PCDHGA5: variants seen among roughly 807,000 people sequenced by gnomAD.
PCDHGA5 encodes the protein protocadherin gamma subfamily A, 5, also known as protocadherin gamma-A5.
Under a neutral mutation model 56.7 loss-of-function variants are expected in PCDHGA5, and 36 were observed. The ratio of observed to expected loss-of-function variants is 0.64; its 90% CI spans 0.49 to 0.84. The LOEUF (loss-of-function observed/expected upper bound fraction) is 0.84. PCDHGA5 is among the 40% of genes least tolerant of loss of function. The pLI, the probability that PCDHGA5 is intolerant of heterozygous loss-of-function variation, is 0.00. For missense variants in PCDHGA5, 1,305 were observed against 1,201.5 expected, an observed-to-expected ratio of 1.09 and a Z score of -1.27; for synonymous variants, 563 against 520.2, an observed-to-expected ratio of 1.08 and a Z score of -1.12.
intron 1 of PCDHGA5, chr5:141,399,983 C>T (rs767278001): frequency 7.4e-6 from 12 of 1,612,374 alleles, no homozygotes; most frequent in Non-Finnish European, 1.0e-5. Context: ...GGGCTGCGCA[C>T]AGGAGAGGTG....
At chr5:141,475,046 T>C (rs1430484084) in intron 1 of PCDHGA5, among the ~76,000 whole-genome samples, 1 of 152,274 alleles carries the variant, frequency 6.6e-6, no homozygotes, top group African/African-American at 2.4e-5. Context: ...CTTTGTATTT[T>C]CTAAAGATTT....
In PCDHGA5 at chr5:141,432,088, A is replaced by T. The variant is rs144317211; in HGVS notation, c.2422-62719A>T. The T allele has an allele frequency of 2.9e-5, 47 of 1,614,148 alleles. No individual in the cohort carries two copies. In the African/African-American group the frequency reaches 5.7e-4, roughly 20 times the overall value. On this transcript the variant is annotated intron_variant, in intron 1 of 3. Transcript: ENST00000518069. This position sits in a 1 kb window ranked among gnomAD's most constrained non-coding sequence, Gnocchi z 6.0. Reference sequence around the variant, plus strand: ...AAACTCATATCTCGCTGAACGTGGCAGACACCAACGACAACCCGCCGGTCT... The same window carrying T: ...AAACTCATATCTCGCTGAACGTGGCTGACACCAACGACAACCCGCCGGTCT...
chr5:141,409,055 G>T (rs141881204), intron 1 of PCDHGA5: 10 of 1,614,038 alleles, frequency 6.2e-6, no homozygotes, highest in Non-Finnish European at 8.5e-6. Flanking sequence ...CCGAAGCACT[G>T]CCCAGAGCAC....
intron 1 of PCDHGA5, chr5:141,396,614 C>G (rs904107360): frequency 1.3e-5 from 2 of 149,602 alleles, no homozygotes; most frequent in African/African-American, 4.9e-5. Flanking sequence ...GGTGAGACTC[C>G]GTCTCAAAAA....
intron 1 of PCDHGA5, chr5:141,389,259 G>C (rs374136353): frequency 6.2e-7 from 1 of 1,613,888 alleles, no homozygotes; most frequent in Non-Finnish European, 8.5e-7. Flanking sequence ...TATAGTCCAC[G>C]TGGCCGAGAA....
At chr5:141,502,666 T>C (rs962424461) in intron 2 of PCDHGA5, among the ~76,000 whole-genome samples, 10 of 152,234 alleles carry the variant, frequency 6.6e-5, no homozygotes, top group African/African-American at 2.2e-4. Context: ...CTTCATGCAA[T>C]TTTAGTATTC....
intron 1 of PCDHGA5, chr5:141,385,365 G>C: frequency 6.5e-7 from 1 of 1,539,374 alleles, no homozygotes; most frequent in Non-Finnish European, 8.7e-7. Flanking sequence ...GAATTTATTT[G>C]CATGATATTT....
Position 141,431,529 on chromosome 5 carries a change from T to C in PCDHGA5, c.2422-63278T>C, listed in dbSNP as rs145601545. 166 of 1,614,074 alleles carry C rather than the reference T, an allele frequency of 1.0e-4. No individual in the cohort carries two copies. In the African/African-American group the frequency reaches 2.0e-3, roughly 19 times the overall value. On this transcript the variant is annotated intron_variant, in intron 1 of 3. Coordinates refer to ENST00000518069, the MANE Select transcript of PCDHGA5 (RefSeq NM_018918.3). The surrounding 1 kb of genome is among the most constrained non-coding windows in gnomAD (Gnocchi z 4.8). The stretch of plus-strand genomic sequence containing the variant: ...GCGAGCGTTCCGGAGAATCTGGCCT[T>C]GGGCACGCAGCTGCTTGTAGTCAAC...
At chr5:141,393,275 C>T (rs769641711) in intron 1 of PCDHGA5, 4 of 1,613,828 alleles carry the variant, frequency 2.5e-6, no homozygotes, top group East Asian at 4.5e-5. Context: ...GTTATCCACT[C>T]CCAGAAGCTG....
At chr5:141,429,489 A>G (rs2097218567) in intron 1 of PCDHGA5, among the ~76,000 whole-genome samples, 1 of 152,062 alleles carries the variant, frequency 6.6e-6, no homozygotes, top group South Asian at 2.1e-4. Context: ...AGCTGAGACT[A>G]CAGTTGCCTG....
rs758172625 is a variant in PCDHGA5 at position 141,365,486 on chromosome 5, A to G, written c.1156A>G (p.Ile386Val). The G allele has an allele frequency of 3.7e-6, 6 of 1,613,992 alleles. No individual in the cohort carries two copies. The East Asian group carries it at 8.9e-5, about 24-fold the overall frequency. The change falls in exon 1 of 4, where the codon ATT (isoleucine) becomes GTT (valine). Residue 386 changes from isoleucine to valine, a missense_variant. Physicochemically the swap from Ile to Val is conservative, Grantham distance 29 (BLOSUM62 3). Coordinates refer to ENST00000518069, the MANE Select transcript of PCDHGA5 (RefSeq NM_018918.3). ...SGENGEIACS[I>V]PRNLPFKLEK... ...AGAAAATGGTGAGATTGCATGCTCT[A>G]TTCCTAGGAATTTGCCTTTTAAATT...
intron 1 of PCDHGA5, among the ~76,000 whole-genome samples, chr5:141,462,086 A>G (rs993185274): frequency 6.6e-6 from 1 of 151,408 alleles, no homozygotes; most frequent in Non-Finnish European, 1.5e-5. Flanking sequence ...GCCTCCCAAA[A>G]TGCTGGGATT....
At chr5:141,389,582 T>C (rs1266016569) in intron 1 of PCDHGA5, 2 of 1,613,146 alleles carry the variant, frequency 1.2e-6, no homozygotes, top group Non-Finnish European at 1.7e-6. Context: ...CCGCGCTGGG[T>C]CCCGACGGCT....
Position 141,374,841 on chromosome 5 carries a change from A to T in PCDHGA5, c.2421+8090A>T, listed in dbSNP as rs1770885287. 8 of 1,613,862 alleles carry T rather than the reference A, an allele frequency of 5.0e-6. No individual in the cohort carries two copies. The East Asian group carries it at 1.8e-4, about 36-fold the overall frequency. ...CCTGTCTACCGTGTAAGTGTTCCTGAAAACCTGCCAGTAGGCACACCAGTG... is the reference window on the plus strand; with the variant it reads ...CCTGTCTACCGTGTAAGTGTTCCTGTAAACCTGCCAGTAGGCACACCAGTG... On this transcript the variant is annotated intron_variant, in intron 1 of 3. Coordinates refer to ENST00000518069, the MANE Select transcript of PCDHGA5 (RefSeq NM_018918.3).
chr5:141,395,538 TTGTTTG>T (rs1338769311), intron 1 of PCDHGA5: 4 of 225,774 alleles, frequency 1.8e-5, no homozygotes, highest in African/African-American at 1.7e-4. Flanking sequence ...AATTTTGCTA[TTGTTTG>T]TGTGTGTGTG....
intron 1 of PCDHGA5, chr5:141,393,547 C>T (rs761723933): frequency 4.3e-6 from 7 of 1,613,938 alleles, no homozygotes; most frequent in South Asian, 1.1e-5. Flanking sequence ...TTTCCTCACC[C>T]GATTTACCGA....
intron 1 of PCDHGA5, among the ~76,000 whole-genome samples, chr5:141,381,816 CT>C (rs747432194): frequency 4.2e-4 from 52 of 122,544 alleles, no homozygotes; most frequent in Admixed American, 1.7e-3. Flanking sequence ...TTCTTTCTTT[CT>C]TTCTTCTTCT....
chr5:141,389,818 G>A (rs778055680), intron 1 of PCDHGA5: 1 of 1,613,888 alleles, frequency 6.2e-7, no homozygotes, highest in Non-Finnish European at 8.5e-7. Flanking sequence ...GTCGCCGTGC[G>A]TGACGGTGGA....
intron 1 of PCDHGA5, chr5:141,372,478 C>T (rs548499010): frequency 6.2e-7 from 1 of 1,614,068 alleles, no homozygotes; most frequent in South Asian, 1.1e-5. Context: ...CTAGTAGTGG[C>T]GTTGGCCTTG....
Sources: gnomAD v4.1 joint callset for allele counts (sites outside exome capture counted in the v4.1 genomes callset) on GRCh38, gnomAD v4.1.1 for gene constraint, Gnocchi (gnomAD v3.1) non-coding constraint, MANE v1.5 for transcripts, NCBI Gene and HGNC (gene_info 2026-07-23, HGNC 2026-07-21) for gene names.